The following TRPM5 variants were observed in gnomAD, a reference collection of about 807,000 sequenced individuals.
TRPM5 encodes the protein MLSN1 and TRP-related.
Under a neutral mutation model 124.9 loss-of-function variants are expected in TRPM5, and 121 were observed. That is an observed-to-expected ratio of 0.97 (90% confidence interval 0.84 to 1.13). TRPM5 has a LOEUF of 1.13. Among genes scored for constraint, TRPM5 ranks in the 50% most tolerant of loss-of-function variants. The pLI is 0.00. For missense variants in TRPM5, 1,643 were observed against 1,589.1 expected (o/e 1.03, Z -0.58); for synonymous variants, 781 against 700.5 (o/e 1.11, Z -1.81).
At chr11:2,405,854 C>T (rs931913833) in intron 22 of TRPM5, among the ~76,000 whole-genome samples, 165 bp downstream of exon 27, 10 of 152,148 alleles carry the variant, frequency 6.6e-5, no homozygotes, top group African/African-American at 1.4e-4. Flanking sequence ...CAGGTGGGGA[C>T]GGCCTGTCTT....
Position 2,412,741 on chromosome 11 carries a change from T to C in TRPM5, c.2355+13A>G. 6.3e-7 allele frequency: 1 copy of C among 1,579,354 alleles called. No individual in the cohort carries two copies. The highest frequency in any genetic ancestry group is 8.6e-7 in the Non-Finnish European group (1 of 1,162,750). ...GCAGAGTGGAGGGGACCTAGGCTAG[T>C]GTGGCCACCGACCTGCCGGATTTCC... On this transcript the variant is annotated intron_variant, in intron 15 of 23. Transcript: ENST00000155858.
chr11:2,420,286 A>G (rs1845752221), exon 4 of TRPM5: 4 of 1,612,328 alleles, frequency 2.5e-6, no homozygotes, highest in Non-Finnish European at 3.4e-6. Context: ...CCGTCAGCCC[A>G]TCGCCCTTCC....
intron 7 of TRPM5, among the ~76,000 whole-genome samples, chr11:2,417,284 T>C (rs1845700662): frequency 6.6e-6 from 1 of 152,116 alleles, no homozygotes; most frequent in African/African-American, 2.4e-5. Flanking sequence ...ACCCCGTCTC[T>C]ACTAAAAATA....
chr11:2,414,014 C>CCCCCCCCCCCCCCCCCCCCCCA (rs1850512163), intron 12 of TRPM5, 47 bp downstream of exon 17: 2 of 533,206 alleles, frequency 3.8e-6, no homozygotes, highest in East Asian at 5.6e-5. Context: ...AGCTCGCCCG[C>CCCCCCCCCCCCCCCCCCCCCCA]CCACCCCACC....
At chr11:2,443,149 T>C in the TRPM5 span, among the ~76,000 whole-genome samples, 8 of 152,376 alleles carry the variant, frequency 5.3e-5, no homozygotes, top group African/African-American at 1.9e-4. The surrounding 1 kb of genome is among the most constrained non-coding windows in gnomAD (Gnocchi z 5.0). Flanking sequence ...TTGTAGAATT[T>C]GCATGGCTTC....
the TRPM5 span, among the ~76,000 whole-genome samples, chr11:2,428,472 A>AGTG: frequency 2.7e-5 from 4 of 147,504 alleles, no homozygotes; most frequent in African/African-American, 1.0e-4. This position sits in a 1 kb window ranked among gnomAD's most constrained non-coding sequence, Gnocchi z 4.0. Context: ...TGGTGGCAGT[A>AGTG]GTGGTGGTGG....
chr11:2,408,309 A>G (rs1175367627), intron 18 of TRPM5, among the ~76,000 whole-genome samples: 3 of 152,272 alleles, frequency 2.0e-5, no homozygotes, highest in Admixed American at 1.3e-4. Flanking sequence ...CCTCCTCCGA[A>G]AAAAGCCTCT....
rs1298555480 is a variant in TRPM5 at position 2,417,847 on chromosome 11, G to GC, written c.907-19dup. 1.3e-6 allele frequency: 2 copies of GC among 1,560,696 alleles called. No homozygotes were observed. Among genetic ancestry groups the GC allele is most frequent in the African/African-American group, 2.7e-5 (2 of 73,946 alleles). ...TTCTGCAGCTGGGCACCAGAACAGA[G>GC]CCCCCATGGGGCCGCCTCAGCCAGG... On this transcript the variant is annotated intron_variant, in intron 6 of 23. Coordinates refer to ENST00000155858, the Ensembl canonical transcript of TRPM5.
At chr11:2,406,112 C>T (rs759668635) in intron 21 of TRPM5, 21 bp from the exon 27 acceptor site, 3 of 1,609,836 alleles carry the variant, frequency 1.9e-6, no homozygotes, top group Middle Eastern at 1.6e-4. Flanking sequence ...AGCAGGTGGT[C>T]AGGCTGTGGA....
chr11:2,430,638 G>GTTT, the TRPM5 span, among the ~76,000 whole-genome samples: 1 of 151,218 alleles, frequency 6.6e-6, no homozygotes, highest in African/African-American at 2.5e-5. Context: ...AGTGATGAGG[G>GTTT]TGGTGGCAGT....
exon 1 of TRPM5, chr11:2,423,039 T>C (rs113016095): frequency 9.3e-6 from 15 of 1,609,370 alleles, no homozygotes; most frequent in African/African-American, 1.3e-5. Flanking sequence ...TCCTGCATGG[T>C]GGCCTCTAGA....
intron 21 of TRPM5, among the ~76,000 whole-genome samples, chr11:2,406,359 C>T (rs114591630): frequency 0.018 from 2,690 of 152,200 alleles, 90 homozygotes; most frequent in African/African-American, 0.062. Flanking sequence ...GGCAGGCAGT[C>T]GGGGACAGGC....
upstream of TRPM5, among the ~76,000 whole-genome samples, chr11:2,424,318 A>T (rs1845816771): frequency 6.6e-6 from 1 of 152,054 alleles, no homozygotes; most frequent in Non-Finnish European, 1.5e-5. Context: ...GTGTCCTGGG[A>T]CCCCTGGGGC....
intron 20 of TRPM5, 110 bp downstream of exon 25, chr11:2,407,009 G>A: frequency 7.3e-7 from 1 of 1,373,378 alleles, no homozygotes; most frequent in Non-Finnish European, 9.6e-7. Context: ...AGGACCCACA[G>A]GGCTGAGGAG....
chr11:2,411,506 G>T, exon 18 of TRPM5: 1 of 1,609,282 alleles, frequency 6.2e-7, no homozygotes, highest in Non-Finnish European at 8.5e-7. Flanking sequence ...GAAAGAAGAG[G>T]AAGAAGAAGA....
chr11:2,415,477 C>A lies in TRPM5; in HGVS notation c.1129-6G>T. ...ACCTCCTCCAGGTCACAGGACTTGG[C>A]GGCCATGGGCACCCGAGGGAAGGGG... On this transcript the variant is annotated splice_region_variant and splice_polypyrimidine_tract_variant and intron_variant, in intron 8 of 23. Coordinates refer to ENST00000155858, the Ensembl canonical transcript of TRPM5. 3.2e-6 allele frequency: 5 copies of A among 1,541,132 alleles called. No individual in the cohort carries two copies. Among genetic ancestry groups the A allele is most frequent in the Non-Finnish European group, 4.4e-6 (5 of 1,146,502 alleles).
At chr11:2,404,176 G>GT (rs1169131780), downstream of TRPM5, among the ~76,000 whole-genome samples, 9 of 152,322 alleles carry the variant, frequency 5.9e-5, no homozygotes, top group Admixed American at 1.3e-4. Flanking sequence ...CACAGCTTGG[G>GT]AAGCGAAAGG....
chr11:2,413,824 T>TG (rs1325530708), intron 12 of TRPM5, among the ~76,000 whole-genome samples: 2 of 152,106 alleles, frequency 1.3e-5, no homozygotes, highest in Non-Finnish European at 2.9e-5. Context: ...GCTTGGGGGT[T>TG]GGGGAGGACT....
the TRPM5 span, among the ~76,000 whole-genome samples, chr11:2,435,753 C>A: frequency 6.6e-6 from 1 of 151,648 alleles, no homozygotes; most frequent in African/African-American, 2.4e-5. The surrounding 1 kb of genome is among the most constrained non-coding windows in gnomAD (Gnocchi z 4.1). Flanking sequence ...GTCCATCTGT[C>A]CACCCACCCA....
Sources: gnomAD v4.1 joint callset for allele counts (sites outside exome capture counted in the v4.1 genomes callset) on GRCh38, gnomAD v4.1.1 for gene constraint, Gnocchi (gnomAD v3.1) non-coding constraint, MANE v1.5 for transcripts, NCBI Gene and HGNC (gene_info 2026-07-23, HGNC 2026-07-21) for gene names.